Variants in CELSR1 observed in about 807,000 individuals in gnomAD.
CELSR1 encodes the protein adhesion G protein-coupled receptor C1.
Under a neutral mutation model 249.1 loss-of-function variants are expected in CELSR1, and 110 were observed. The observed-to-expected ratio is 0.44, with a 90% CI of 0.38 to 0.52. The LOEUF is 0.52. Among genes scored for constraint, CELSR1 ranks in the 20% least tolerant of loss-of-function variants. The pLI is 0.00. For synonymous variants in CELSR1, 2,113 were observed against 1,900.0 expected (o/e 1.11, Z -2.92); for missense variants, 4,109 against 4,296.4 (o/e 0.96, Z 1.22).
chr22:46,473,605 C>T lies in CELSR1; in HGVS notation c.3545-9260G>A, dbSNP rs1417427972. Among the ~76,000 whole-genome samples, 1 of 152,182 alleles carries T rather than the reference C, an allele frequency of 6.6e-6. No individual in the cohort carries two copies. The highest frequency in any genetic ancestry group is 1.5e-5 in the Non-Finnish European group (1 of 68,030). ...CCTGGTTAGGGCAGCCCATGATGCCCTCGGGGTCCAGAGTCATTCCCCGTG... is the reference window on the plus strand; with the variant it reads ...CCTGGTTAGGGCAGCCCATGATGCCTTCGGGGTCCAGAGTCATTCCCCGTG... On this transcript the variant is annotated intron_variant, in intron 1 of 34. Coordinates refer to ENST00000674500, the MANE Select transcript of CELSR1 (RefSeq NM_001378328.1). This position sits in a 1 kb window ranked among gnomAD's most constrained non-coding sequence, Gnocchi z 6.6.
chr22:46,455,325 G>A (rs978440241), intron 2 of CELSR1, among the ~76,000 whole-genome samples: 3 of 152,172 alleles, frequency 2.0e-5, no homozygotes, highest in Admixed American at 2.0e-4. Flanking sequence ...CGCCTCCCAG[G>A]TTCAAGCGAT....
Position 46,440,242 on chromosome 22 carries a change from G to A in CELSR1, c.4184-831C>T, listed in dbSNP as rs569254224. ...CGACCCAGTTGTTCCTGGACTGGCC[G>A]CTGCATCCTCCAGCAACCAGGTGTG... is the stretch of plus-strand genomic sequence containing the variant. On this transcript the variant is annotated intron_variant, in intron 2 of 34. Transcript: ENST00000674500. This position sits in a 1 kb window ranked among gnomAD's most constrained non-coding sequence, Gnocchi z 4.7. Among the ~76,000 whole-genome samples, 41 of 152,222 alleles carry A rather than the reference G, an allele frequency of 2.7e-4. No individual in the cohort carries two copies. In the South Asian group the frequency reaches 3.5e-3, roughly 13 times the overall value.
intron 25 of CELSR1, among the ~76,000 whole-genome samples, chr22:46,372,554 A>C: frequency 7.6e-6 from 1 of 131,512 alleles, no homozygotes; most frequent in Admixed American, 8.0e-5. Flanking sequence ...CCATCCATCC[A>C]CCTGCACACT....
rs1350602188 is a variant in CELSR1 at position 46,408,950 on chromosome 22, G to A, written c.5226+46C>T. The A allele has an allele frequency of 4.6e-6, 7 of 1,506,044 alleles. No homozygotes were observed. The highest frequency in any genetic ancestry group is 1.4e-5 in the African/African-American group (1 of 70,932). 93.3% of individuals were successfully genotyped at this position (1,506,044 alleles called of 1,614,324 possible). On this transcript the variant is annotated intron_variant, in intron 9 of 34. Transcript: ENST00000674500. This position sits in a 1 kb window ranked among gnomAD's most constrained non-coding sequence, Gnocchi z 4.6. ...AGCCCAGCGCCTGGGTCCCTCCCTC[G>A]GGCACCCACCTAGCAGGTGCCTTGG... is the stretch of plus-strand genomic sequence containing the variant.
rs774311996 is a variant in CELSR1, at chr22:46,378,701, C to A, written c.7273G>T (p.Gly2425Trp). Residue 2425 changes from glycine (G) to tryptophan (W), a missense_variant, in exon 23 of 35, where the codon GGG becomes TGG. Gly to Trp is a radical substitution (Grantham distance 184). Transcript: ENST00000674500. Reference protein sequence around the residue: ...NHSLAVGGTGGWSARGCELLS... With the variant: ...NHSLAVGGTGWWSARGCELLS... ...AGCTCGCAGCCCCGGGCAGACCACC[C>A]TCCCGTCCCACCAACGCTGCGGAGA... 1.2e-5 allele frequency: 19 copies of A among 1,612,602 alleles called. No homozygotes were observed. Among genetic ancestry groups the A allele is most frequent in the Non-Finnish European group, 1.5e-5 (18 of 1,179,784 alleles).
At position 46,365,355 on chromosome 22, in the gene CELSR1, C is replaced by G. The variant is rs760717744; in HGVS notation, c.8430G>C (p.Glu2810Asp). Reference sequence around the variant, plus strand: ...AGCTGCTCTGCTCATCCAGGGACAGCTCGCTATCTGAGTCGGAATCGTGGC... The same window carrying G: ...AGCTGCTCTGCTCATCCAGGGACAGGTCGCTATCTGAGTCGGAATCGTGGC... ...PPGHDSDSDSELSLDEQSSSY... is the reference protein window; with the variant it reads ...PPGHDSDSDSDLSLDEQSSSY... Residue 2810 changes from glutamate to aspartate, a missense_variant, in exon 32 of 35, where the codon GAG becomes GAC. Physicochemically the swap from Glu to Asp is conservative, Grantham distance 45. Transcript: ENST00000674500. 1.9e-6 allele frequency: 3 copies of G among 1,612,902 alleles called. No homozygotes were observed. The South Asian group carries it at 3.3e-5, about 18-fold the overall frequency.
rs1242969867 is a variant in CELSR1, at chr22:46,427,206, C to A, written c.4611+6187G>T. 6.6e-6 allele frequency among the ~76,000 whole-genome samples: 1 copy of A among 152,084 alleles called. No homozygotes were observed. Among genetic ancestry groups the A allele is most frequent in the Non-Finnish European group, 1.5e-5 (1 of 68,030 alleles). On this transcript the variant is annotated intron_variant, in intron 5 of 34. Transcript: ENST00000674500. The surrounding 1 kb of genome is among the most constrained non-coding windows in gnomAD (Gnocchi z 4.2). ...CCAAAGCAATGAGCACACCAAGCAC[C>A]CAGATCTGGATTTCTAAATGCCACC...
chr22:46,467,440 A>G (rs2080108623), intron 1 of CELSR1, among the ~76,000 whole-genome samples: 1 of 152,164 alleles, frequency 6.6e-6, no homozygotes, highest in Admixed American at 6.6e-5. Context: ...GCGCAAATAA[A>G]ATGAAAGGGA....
intron 1 of CELSR1, chr22:46,530,270 T>TACAC (rs557384645): frequency 3.3e-5 from 5 of 151,170 alleles, no homozygotes; most frequent in African/African-American, 9.7e-5. Context: ...CCCTGTCTCA[T>TACAC]ACACACACAC....
chr22:46,429,114 G>A lies in CELSR1; in HGVS notation c.4611+4279C>T, dbSNP rs1259461977. On this transcript the variant is annotated intron_variant, in intron 5 of 34. Coordinates refer to ENST00000674500, the MANE Select transcript of CELSR1 (RefSeq NM_001378328.1). This position sits in a 1 kb window ranked among gnomAD's most constrained non-coding sequence, Gnocchi z 4.1. ...GGAATGACCCGCTCAGTGCAGCCCCGAGGATCCCCATCCTTCCAGACGGCC... is the reference window on the plus strand; with the variant it reads ...GGAATGACCCGCTCAGTGCAGCCCCAAGGATCCCCATCCTTCCAGACGGCC... Among the ~76,000 whole-genome samples the A allele has an allele frequency of 1.3e-5, 2 of 152,104 alleles. No homozygotes were observed. The highest frequency in any genetic ancestry group is 4.8e-5 in the African/African-American group (2 of 41,420).
rs9615992 is a variant in CELSR1 at position 46,412,175 on chromosome 22, G to A, written c.4612-416C>T. Among the ~76,000 whole-genome samples the A allele has an allele frequency of 0.25, 37,300 of 152,144 alleles. 6,705 individuals are homozygous for A. The highest frequency in any genetic ancestry group is 0.51 in the African/African-American group (21,206 of 41,478). On this transcript the variant is annotated intron_variant, in intron 5 of 34. Coordinates refer to ENST00000674500, the MANE Select transcript of CELSR1 (RefSeq NM_001378328.1). The surrounding 1 kb of genome is among the most constrained non-coding windows in gnomAD (Gnocchi z 4.5). ...CAAGCCAAGGGCCACCTGGGCCACC[G>A]ACAGCTAGGAAAAGGCAGGAAGGGT...
In CELSR1 at chr22:46,372,972, T is replaced by G. The variant is rs2078872165; in HGVS notation, c.7670A>C (p.Tyr2557Ser). 6.2e-7 allele frequency: 1 copy of G among 1,613,246 alleles called. No individual in the cohort carries two copies. The highest frequency in any genetic ancestry group is 8.5e-7 in the Non-Finnish European group (1 of 1,179,852). ...AWTLVESLHV[Y>S]RMLTEVRNID... ...GTTGCGCACCTCGGTCAGCATGCGG[T>G]AGACATGCAGGCTCTCCACGAGGGT... Residue 2557 changes from tyrosine to serine, a missense_variant, in exon 25 of 35, where the codon TAC (tyrosine) becomes TCC (serine). Physicochemically the swap from Tyr to Ser is moderately radical, Grantham distance 144. Around this residue, in one of 7 missense-constraint regions of CELSR1, gnomAD observed 1,805 missense variants for 1,831.6 expected, o/e 0.99. Coordinates refer to ENST00000674500, the MANE Select transcript of CELSR1 (RefSeq NM_001378328.1).
In CELSR1 at chr22:46,518,766, T is replaced by C. The variant is rs1235766470; in HGVS notation, c.3544+14861A>G. Among the ~76,000 whole-genome samples the C allele has an allele frequency of 1.3e-5, 2 of 152,112 alleles. No homozygotes were observed. The highest frequency in any genetic ancestry group is 4.8e-5 in the African/African-American group (2 of 41,412). ...AGACTCCAGTTGTGGCTGGGCGCGG[T>C]GGCTCGCCTGTAATCCAGCACTTTG... On this transcript the variant is annotated intron_variant, in intron 1 of 34. Coordinates refer to ENST00000674500, the MANE Select transcript of CELSR1 (RefSeq NM_001378328.1). This position sits in a 1 kb window ranked among gnomAD's most constrained non-coding sequence, Gnocchi z 5.2.
rs1307745183 is a variant in CELSR1, at chr22:46,363,952, G to A, written c.9035+44C>T. The A allele has an allele frequency of 3.9e-6, 6 of 1,530,182 alleles. No homozygotes were observed. The highest frequency in any genetic ancestry group is 5.3e-6 in the Non-Finnish European group (6 of 1,139,062). The allele number at this position is 1,530,182 out of a possible 1,614,324, so 94.8% of individuals were successfully genotyped here. ...CCCTCTCTCTCCTGACTCAGGACAA[G>A]GGGGAAGTGGGTGATCCCCGCCCTG... is the stretch of plus-strand genomic sequence containing the variant. On this transcript the variant is annotated intron_variant, in intron 34 of 34. Coordinates refer to ENST00000674500, the MANE Select transcript of CELSR1 (RefSeq NM_001378328.1). The surrounding 1 kb of genome is among the most constrained non-coding windows in gnomAD (Gnocchi z 4.3).
intron 2 of CELSR1, among the ~76,000 whole-genome samples, chr22:46,449,754 G>A (rs1044172783): frequency 2.0e-5 from 3 of 152,180 alleles, no homozygotes; most frequent in Non-Finnish European, 4.4e-5. Context: ...CTGGCATGGA[G>A]GTGGAGGGGA....
rs1349788386 is a variant in CELSR1 at position 46,512,346 on chromosome 22, G to A, written c.3544+21281C>T. 5.3e-5 allele frequency among the ~76,000 whole-genome samples: 8 copies of A among 152,108 alleles called. No homozygotes were observed. Among genetic ancestry groups the A allele is most frequent in the Admixed American group, 4.6e-4 (7 of 15,290 alleles). ...AGCACTTTGGGAGGCCAAGGCAGGC[G>A]GATCACATGAGGTCAGGAGATCGAG... On this transcript the variant is annotated intron_variant, in intron 1 of 34. Transcript: ENST00000674500. The surrounding 1 kb of genome is among the most constrained non-coding windows in gnomAD (Gnocchi z 5.2).
chr22:46,386,643 A>C, intron 18 of CELSR1, 58 bp from the exon 19 acceptor site: 1 of 1,419,008 alleles, frequency 7.0e-7, no homozygotes, highest in Non-Finnish European at 9.4e-7. Flanking sequence ...CGTGGGACGG[A>C]GGGACACCTG....
rs2080124200 is a variant in CELSR1, at chr22:46,468,758, A to G, written c.3545-4413T>C. ...TAAAAATGGTTAAAGTGGTAAACGTATGTGTATTTTACCACAATTACAAAT... is the reference window on the plus strand; with the variant it reads ...TAAAAATGGTTAAAGTGGTAAACGTGTGTGTATTTTACCACAATTACAAAT... On this transcript the variant is annotated intron_variant, in intron 1 of 34. Coordinates refer to ENST00000674500, the MANE Select transcript of CELSR1 (RefSeq NM_001378328.1). The surrounding 1 kb of genome is among the most constrained non-coding windows in gnomAD (Gnocchi z 4.5). Among the ~76,000 whole-genome samples the G allele has an allele frequency of 6.6e-6, 1 of 152,162 alleles. No individual in the cohort carries two copies. Among genetic ancestry groups the G allele is most frequent in the Non-Finnish European group, 1.5e-5 (1 of 68,036 alleles).
intron 5 of CELSR1, among the ~76,000 whole-genome samples, chr22:46,425,685 C>T (rs1716194665): frequency 7.1e-6 from 1 of 140,732 alleles, no homozygotes; most frequent in Non-Finnish European, 1.6e-5. Context: ...TAGAAGTTTT[C>T]CCCCGCTTTG....
Sources: gnomAD v4.1 joint callset for allele counts (sites outside exome capture counted in the v4.1 genomes callset) on GRCh38, gnomAD v4.1.1 for gene constraint, gnomAD v4.1.1 regional missense constraint, Gnocchi (gnomAD v3.1) non-coding constraint, MANE v1.5 for transcripts, NCBI Gene and HGNC (gene_info 2026-07-23, HGNC 2026-07-21) for gene names.